Variants in SH3BGR observed in about 807,000 individuals in gnomAD.
SH3BGR encodes SH3 domain binding glutamate rich protein.
A neutral mutation model predicts 24.5 loss-of-function variants in SH3BGR; 29 were observed. That is an observed-to-expected ratio of 1.18 (90% CI 0.88 to 1.61). The LOEUF (loss-of-function observed/expected upper bound fraction) is 1.61. Ranked by LOEUF, SH3BGR falls within the 40% of genes most tolerant of loss-of-function variation. SH3BGR has a pLI of 0.00. For missense variants in SH3BGR, 162 were observed against 205.8 expected (o/e 0.79, Z 1.30); for synonymous variants, 55 against 65.7 (o/e 0.84, Z 0.79).
intron 1 of SH3BGR, among the ~76,000 whole-genome samples, chr21:39,456,700 C>G (rs935233432): frequency 2.0e-5 from 3 of 152,202 alleles, no homozygotes; most frequent in Non-Finnish European, 4.4e-5. Flanking sequence ...CTTTGGTTCT[C>G]ATAGGCCTGA....
chr21:39,485,606 G>A (rs951341439), intron 3 of SH3BGR, among the ~76,000 whole-genome samples: 6 of 151,470 alleles, frequency 4.0e-5, no homozygotes, highest in Admixed American at 1.3e-4. Context: ...TGGGTTAGTC[G>A]TCTAATGAAC....
At position 39,497,450 on chromosome 21, in the gene SH3BGR, TA is replaced by T. The variant is rs2078417264; in HGVS notation, c.313-2370del. ...CATATTTTAGAGAATAAAAGTTAGATAAATTTGCCCATAAAAAGACTAAAAA... is the reference window on the plus strand; with the variant it reads ...CATATTTTAGAGAATAAAAGTTAGATAATTTGCCCATAAAAAGACTAAAAA... On this transcript the variant is annotated intron_variant, in intron 3 of 6. Transcript: ENST00000333634. 6.6e-5 allele frequency among the ~76,000 whole-genome samples: 10 copies of T among 151,800 alleles called. No individual in the cohort carries two copies. In the South Asian group the frequency reaches 2.1e-3, roughly 32 times the overall value.
At chr21:39,473,136 C>G (rs1252486610) in intron 2 of SH3BGR, among the ~76,000 whole-genome samples, 1 of 152,076 alleles carries the variant, frequency 6.6e-6, no homozygotes, top group African/African-American at 2.4e-5. Context: ...TTGGTAGCAT[C>G]AAGTCAAAGA....
At chr21:39,459,552 T>C (rs1365453871) in intron 1 of SH3BGR, among the ~76,000 whole-genome samples, 1 of 151,902 alleles carries the variant, frequency 6.6e-6, no homozygotes, top group Non-Finnish European at 1.5e-5. Flanking sequence ...TTTTTCTTTC[T>C]GACAGGGTCT....
intron 3 of SH3BGR, among the ~76,000 whole-genome samples, chr21:39,495,278 C>A (rs2078374162): frequency 6.6e-6 from 1 of 152,074 alleles, no homozygotes; most frequent in Non-Finnish European, 1.5e-5. Flanking sequence ...GTATCTTGAA[C>A]ATAGTGAGTC....
rs566052897 is a variant in SH3BGR at position 39,459,160 on chromosome 21, C to T, written c.46-3215C>T. ...GTTGATTGATTATTTGTTTTATTACCCTTTCTTTCTCCTCCTTCCCTCCCT... is the reference window on the plus strand; with the variant it reads ...GTTGATTGATTATTTGTTTTATTACTCTTTCTTTCTCCTCCTTCCCTCCCT... On this transcript the variant is annotated intron_variant, in intron 1 of 6. Transcript: ENST00000333634. Among the ~76,000 whole-genome samples the T allele has an allele frequency of 2.0e-5, 3 of 151,910 alleles. No individual in the cohort carries two copies. In the East Asian group the frequency reaches 5.8e-4, roughly 29 times the overall value.
At chr21:39,485,983 C>T (rs554185593) in intron 3 of SH3BGR, among the ~76,000 whole-genome samples, 19 of 152,284 alleles carry the variant, frequency 1.2e-4, no homozygotes, top group African/African-American at 3.8e-4. Flanking sequence ...CCACCACGCC[C>T]GGCCGGTCTC....
chr21:39,498,729 A>G (rs545072894), intron 3 of SH3BGR, among the ~76,000 whole-genome samples: 25 of 152,260 alleles, frequency 1.6e-4, no homozygotes, highest in African/African-American at 5.8e-4. Flanking sequence ...CGTTTCCTCA[A>G]AATGTCTACT....
upstream of SH3BGR, among the ~76,000 whole-genome samples, chr21:39,450,606 CAG>C (rs374113904): frequency 1.2e-4 from 18 of 150,088 alleles, no homozygotes; most frequent in Admixed American, 2.0e-4. Context: ...AGCCGGAGAA[CAG>C]AGAGAGAGAG....
At chr21:39,498,215 T>G (rs145679548) in intron 3 of SH3BGR, among the ~76,000 whole-genome samples, 33 of 152,126 alleles carry the variant, frequency 2.2e-4, no homozygotes, top group Non-Finnish European at 3.4e-4. Flanking sequence ...ATAGCTTTTA[T>G]GTATTAGGAT....
intron 2 of SH3BGR, among the ~76,000 whole-genome samples, chr21:39,470,151 T>C (rs532667775): frequency 7.1e-4 from 108 of 152,276 alleles, no homozygotes; most frequent in Non-Finnish European, 1.4e-3. Context: ...TAATTTTATT[T>C]TCCCCTTTAC....
chr21:39,489,256 C>T (rs2099948957), intron 3 of SH3BGR, among the ~76,000 whole-genome samples: 1 of 152,224 alleles, frequency 6.6e-6, no homozygotes, highest in African/African-American at 2.4e-5. Flanking sequence ...CCTCCATCCC[C>T]TTATCTTATG....
At position 39,508,286 on chromosome 21, in the gene SH3BGR, C is replaced by T. The variant is rs1300785541; in HGVS notation, c.406-712C>T. On this transcript the variant is annotated intron_variant, in intron 4 of 6. Transcript: ENST00000333634. Reference sequence around the variant, plus strand: ...GCACTCTGGCTTCAGGGAGGTTTATCGGACCATTCTGGGAAGGGATGGAAA... The same window carrying T: ...GCACTCTGGCTTCAGGGAGGTTTATTGGACCATTCTGGGAAGGGATGGAAA... Among the ~76,000 whole-genome samples the T allele has an allele frequency of 3.9e-5, 6 of 152,140 alleles. No individual in the cohort carries two copies. The East Asian group carries it at 1.2e-3, about 29-fold the overall frequency.
upstream of SH3BGR, among the ~76,000 whole-genome samples, chr21:39,448,934 T>G (rs2077542549): frequency 6.6e-6 from 1 of 151,732 alleles, no homozygotes; most frequent in African/African-American, 2.4e-5. Flanking sequence ...CAACTCCAGT[T>G]GGACAAAGGA....
At chr21:39,490,332 A>C (rs1417431537) in intron 3 of SH3BGR, among the ~76,000 whole-genome samples, 1 of 152,232 alleles carries the variant, frequency 6.6e-6, no homozygotes, top group Non-Finnish European at 1.5e-5. Context: ...AACTAACTAT[A>C]TCAGTTGTTC....
chr21:39,481,411 A>G (rs1231364731), intron 3 of SH3BGR, among the ~76,000 whole-genome samples: 1 of 152,256 alleles, frequency 6.6e-6, no homozygotes, highest in African/African-American at 2.4e-5. Context: ...AATAGCATTA[A>G]TAGATGTCAA....
intron 3 of SH3BGR, among the ~76,000 whole-genome samples, chr21:39,479,504 A>T (rs2078097196): frequency 6.6e-6 from 1 of 151,654 alleles, no homozygotes; most frequent in African/African-American, 2.4e-5. Context: ...GGTGGGGGTG[A>T]TGGAAAGTGG....
In SH3BGR at chr21:39,510,003, C is replaced by T. The variant is rs557004661; in HGVS notation, c.435+976C>T. On this transcript the variant is annotated intron_variant, in intron 5 of 6. Coordinates refer to ENST00000333634, the MANE Select transcript of SH3BGR (RefSeq NM_007341.3). ...TTTAGCCCAGGCCGGATTGCAGTGG[C>T]GCAATCTCGGCTCACTGCAAGCTCC... 9.1e-4 allele frequency among the ~76,000 whole-genome samples: 116 copies of T among 126,948 alleles called. 4 individuals are homozygous for T. The highest frequency in any genetic ancestry group is 1.2e-3 in the Non-Finnish European group (72 of 60,760). 83.3% of individuals were successfully genotyped at this position (126,948 alleles called of 152,430 possible). A position where few individuals can be genotyped will look rare whatever the true frequency, so the allele number is the denominator to read the frequency against.
upstream of SH3BGR, among the ~76,000 whole-genome samples, chr21:39,451,354 G>T (rs908399768): frequency 6.6e-6 from 1 of 152,114 alleles, no homozygotes; most frequent in Non-Finnish European, 1.5e-5. Flanking sequence ...AGAAGCCAGC[G>T]GCTATTTCCC....
Sources: gnomAD v4.1 joint callset for allele counts (sites outside exome capture counted in the v4.1 genomes callset) on GRCh38, gnomAD v4.1.1 for gene constraint, MANE v1.5 for transcripts, NCBI Gene and HGNC (gene_info 2026-07-23, HGNC 2026-07-21) for gene names.